RERE: variants seen among roughly 807,000 people sequenced by gnomAD.
The protein encoded by RERE is arginine-glutamic acid dipeptide repeats.
Under a neutral mutation model 146.1 loss-of-function variants are expected in RERE, and 40 were observed. The ratio of observed to expected loss-of-function variants is 0.27; its 90% CI spans 0.21 to 0.36. The LOEUF (loss-of-function observed/expected upper bound fraction) is 0.36. RERE is among the 10% of genes least tolerant of loss of function. The pLI is 1.00. For missense variants in RERE, 1,933 were observed against 2,138.7 expected, an observed-to-expected ratio of 0.90 and a Z score of 1.90; for synonymous variants, 1,003 against 866.0, an observed-to-expected ratio of 1.16 and a Z score of -2.78.
At chr1:8,654,211 C>A (rs1647799182) in intron 2 of RERE, among the ~76,000 whole-genome samples, 1 of 151,876 alleles carries the variant, frequency 6.6e-6, no homozygotes, top group African/African-American at 2.4e-5. Flanking sequence ...TAATTTTTTA[C>A]TGTTTTGCAG....
intron 1 of RERE, among the ~76,000 whole-genome samples, chr1:8,703,523 A>G (rs1337748227): frequency 1.3e-5 from 2 of 152,036 alleles, no homozygotes; most frequent in Admixed American, 1.3e-4. Flanking sequence ...GGGCGCGCGC[A>G]CACACAATGC....
At chr1:8,807,985 A>G (rs1309067253) in intron 1 of RERE, among the ~76,000 whole-genome samples, 1 of 152,058 alleles carries the variant, frequency 6.6e-6, no homozygotes, top group Non-Finnish European at 1.5e-5. Flanking sequence ...ACTTATATAA[A>G]TCTCCTTCAG....
chr1:8,502,400 G>T (rs1361733354), intron 8 of RERE, among the ~76,000 whole-genome samples: 7 of 120,764 alleles, frequency 5.8e-5, no homozygotes, highest in Non-Finnish European at 1.0e-4. Flanking sequence ...CCTCTGCCCG[G>T]CCGCCCCTAC....
intron 1 of RERE, among the ~76,000 whole-genome samples, chr1:8,736,072 T>C (rs1640190328): frequency 2.0e-5 from 3 of 152,236 alleles, no homozygotes; most frequent in Non-Finnish European, 4.4e-5. Flanking sequence ...ACAGTAAATA[T>C]GGTAAATGTA....
chr1:8,365,310 C>T (rs1010727805), intron 13 of RERE, among the ~76,000 whole-genome samples: 2 of 152,210 alleles, frequency 1.3e-5, no homozygotes, highest in Non-Finnish European at 2.9e-5. Context: ...TTTTGCTACA[C>T]CCCAGTTTTT....
intron 1 of RERE, among the ~76,000 whole-genome samples, chr1:8,725,621 A>G (rs1222376233): frequency 6.6e-6 from 1 of 152,130 alleles, no homozygotes; most frequent in Non-Finnish European, 1.5e-5. Context: ...TTTATAGGAG[A>G]TTCATTAGTT....
At position 8,358,694 on chromosome 1, in the gene RERE, T is replaced by G. The variant is rs2784734; in HGVS notation, c.3841A>C (p.Thr1281Pro). The G allele has an allele frequency of 2.5e-6, 4 of 1,588,070 alleles. No homozygotes were observed. The African/African-American group carries it at 5.4e-5, about 21-fold the overall frequency. The change falls in exon 20 of 23, where the codon ACG becomes CCG. Residue 1281 changes from threonine (T) to proline (P), a missense_variant. Transcript: ENST00000400908. ...NHPFYMPLNP[T>P]DPLLAYHMPG... ...ATGTGGTAGGCCAGCAGGGGGTCCG[T>G]GGGGTTAAGGGGCATGTAGAAGGGG...
At chr1:8,390,198 GTGACACATC>G (rs1642836472) in intron 12 of RERE, among the ~76,000 whole-genome samples, 1 of 152,168 alleles carries the variant, frequency 6.6e-6, no homozygotes, top group South Asian at 2.1e-4. Context: ...GAGGCATCCT[GTGACACATC>G]TGACAAGAAC....
chr1:8,638,425 A>G (rs1647128852), intron 2 of RERE, among the ~76,000 whole-genome samples: 1 of 152,200 alleles, frequency 6.6e-6, no homozygotes. Flanking sequence ...AAAAATAAAG[A>G]TGCAATTTTT....
chr1:8,711,157 CAAAAAAAAAAAAAAAAAA>C (rs57814312), intron 1 of RERE, among the ~76,000 whole-genome samples: 7 of 68,266 alleles, frequency 1.0e-4, no homozygotes, highest in Admixed American at 9.3e-4. Context: ...ACTCTGTCTC[CAAAAAAAAAAAAAAAAAA>C]AAAAAAAAAA....
intron 3 of RERE, among the ~76,000 whole-genome samples, chr1:8,616,797 C>A (rs940706013): frequency 6.6e-6 from 1 of 152,208 alleles, no homozygotes; most frequent in Non-Finnish European, 1.5e-5. Flanking sequence ...TGACTGGCAG[C>A]CACGAGTGAA....
At chr1:8,746,444 A>C (rs1640422632) in intron 1 of RERE, among the ~76,000 whole-genome samples, 1 of 152,114 alleles carries the variant, frequency 6.6e-6, no homozygotes, top group Admixed American at 6.5e-5. Context: ...CCTCCCCATA[A>C]CTTCTGCTAG....
chr1:8,447,476 T>G (rs1338829358), intron 11 of RERE, among the ~76,000 whole-genome samples: 1 of 152,190 alleles, frequency 6.6e-6, no homozygotes, highest in Non-Finnish European at 1.5e-5. Flanking sequence ...CAGATGGGGT[T>G]TCTGTGTGGA....
intron 4 of RERE, among the ~76,000 whole-genome samples, chr1:8,564,826 A>ATATGTGTGTGTGTGTGTGTGTG (rs1384858524): frequency 9.8e-4 from 115 of 117,714 alleles, no homozygotes; most frequent in Non-Finnish European, 1.1e-3. Context: ...GTGTGTGTAT[A>ATATGTGTGTGTGTGTGTGTGTG]TGTGTATGTG....
chr1:8,745,945 G>A (rs1167490280), intron 1 of RERE, among the ~76,000 whole-genome samples: 1 of 152,158 alleles, frequency 6.6e-6, no homozygotes, highest in Non-Finnish European at 1.5e-5. Flanking sequence ...GCACATGCCT[G>A]TGGTCCCAGC....
chr1:8,419,387 T>C (rs1643861454), intron 12 of RERE, among the ~76,000 whole-genome samples: 1 of 152,218 alleles, frequency 6.6e-6, no homozygotes, highest in Non-Finnish European at 1.5e-5. Flanking sequence ...CTAGGAAAGC[T>C]GTTTACGTCT....
intron 12 of RERE, among the ~76,000 whole-genome samples, chr1:8,376,978 T>C (rs187115381): frequency 2.0e-5 from 3 of 152,374 alleles, no homozygotes; most frequent in East Asian, 1.9e-4. Context: ...TAGATAACTA[T>C]TGGTTTCCTT....
chr1:8,769,084 T>A (rs945077245), intron 1 of RERE, among the ~76,000 whole-genome samples: 1 of 152,158 alleles, frequency 6.6e-6, no homozygotes, highest in African/African-American at 2.4e-5. Context: ...TAGAGGTGAG[T>A]AGTTGTGACC....
chr1:8,525,392 CA>C (rs1645557548), intron 7 of RERE, among the ~76,000 whole-genome samples: 1 of 152,182 alleles, frequency 6.6e-6, no homozygotes, highest in Admixed American at 6.5e-5. Flanking sequence ...ATACTAGCCA[CA>C]AGGCAAGGGG....
Sources: allele counts gnomAD v4.1 joint callset (sites outside exome capture counted in the v4.1 genomes callset), GRCh38; gene constraint gnomAD v4.1.1; transcripts MANE v1.5; gene names NCBI Gene and HGNC (gene_info 2026-07-23, HGNC 2026-07-21).